GLB1L2: variants seen among roughly 807,000 people sequenced by gnomAD.
GLB1L2 encodes galactosidase beta 1 like 2, also known as beta-galactosidase-1-like protein 2.
In GLB1L2, 68 loss-of-function variants were observed where a neutral mutation model predicts 84.1. That is an observed-to-expected ratio of 0.81 (90% confidence interval 0.67 to 0.99). The LOEUF is 0.99. Ranked by LOEUF, GLB1L2 falls within the 50% of genes least tolerant of loss-of-function variation. The pLI, the probability that GLB1L2 is intolerant of heterozygous loss-of-function variation, is 0.00. For synonymous variants in GLB1L2, 290 were observed against 318.0 expected (o/e 0.91, Z 0.94); for missense variants, 762 against 805.6 (o/e 0.95, Z 0.66).
At chr11:134,371,255 C>T (rs1943948511) in intron 13 of GLB1L2, 107 bp downstream of exon 13, 2 of 1,411,108 alleles carry the variant, frequency 1.4e-6, no homozygotes, top group South Asian at 2.4e-5. Context: ...GTGACAATGG[C>T]CCTTCTGAGT....
Position 134,342,788 on chromosome 11 carries a change from C to T in GLB1L2, c.121C>T (p.Arg41Cys), listed in dbSNP as rs201088624. The T allele has an allele frequency of 2.5e-5, 41 of 1,613,862 alleles. No individual in the cohort carries two copies. Among genetic ancestry groups the T allele is most frequent in the East Asian group, 8.9e-5 (4 of 44,884 alleles). ...DWSTLVPLRL[R>C]HRQLGLQAKG... ...GAGCACCCTGGTCCCTCTGCGGCTC[C>T]GCCATCGACAGCTGGGGCTGCAGGC... Residue 41 changes from arginine to cysteine, a missense_variant, in exon 2 of 19, where the codon CGC (arginine) becomes TGC (cysteine). This residue lies in a region of GLB1L2 where 100 missense variants were observed against 88.8 expected (regional missense o/e 1.13). Coordinates refer to ENST00000535456, the MANE Select transcript of GLB1L2 (RefSeq NM_001370461.1).
chr11:134,354,967 T>A (rs1364867722), intron 5 of GLB1L2, among the ~76,000 whole-genome samples: 1 of 152,088 alleles, frequency 6.6e-6, no homozygotes, highest in Non-Finnish European at 1.5e-5. Context: ...AAGAAACCCA[T>A]AATTCATATA....
intron 5 of GLB1L2, among the ~76,000 whole-genome samples, chr11:134,355,599 G>A (rs569646054): frequency 6.6e-6 from 1 of 152,230 alleles, no homozygotes; most frequent in East Asian, 1.9e-4. Context: ...CTCCCTGGTC[G>A]CTTTCAAGGG....
At chr11:134,341,231 A>T (rs1943456769) in intron 1 of GLB1L2, among the ~76,000 whole-genome samples, 1 of 152,208 alleles carries the variant, frequency 6.6e-6, no homozygotes, top group Non-Finnish European at 1.5e-5. Context: ...AATTGATTTC[A>T]GATAGAGATA....
At chr11:134,332,861 C>T (rs1420054200) in intron 1 of GLB1L2, among the ~76,000 whole-genome samples, 3 of 152,194 alleles carry the variant, frequency 2.0e-5, no homozygotes, top group East Asian at 1.9e-4. Flanking sequence ...CCTAGCCCAG[C>T]ATTTTTCTAA....
chr11:134,335,225 G>T (rs1591607848), intron 1 of GLB1L2, among the ~76,000 whole-genome samples: 1 of 91,116 alleles, frequency 1.1e-5, no homozygotes, highest in Non-Finnish European at 2.3e-5. Context: ...AGCAATGCAG[G>T]TCACTTTTTT....
chr11:134,374,117 C>T, intron 16 of GLB1L2, 28 bp from the exon 17 acceptor site: 1 of 1,512,178 alleles, frequency 6.6e-7, no homozygotes, highest in Non-Finnish European at 9.2e-7. Context: ...GGGCCTCCTC[C>T]CTCTCCTTCT....
chr11:134,370,494 G>A lies in GLB1L2; in HGVS notation c.1215+95G>A. 2.1e-6 allele frequency: 2 copies of A among 958,738 alleles called. No homozygotes were observed. Among genetic ancestry groups the A allele is most frequent in the Non-Finnish European group, 3.3e-6 (2 of 607,826 alleles). The allele number at this position is 958,738 out of a possible 1,614,324, so 59.4% of individuals were successfully genotyped here. A position where few individuals can be genotyped will look rare whatever the true frequency, so the allele number is the denominator to read the frequency against. On this transcript the variant is annotated intron_variant, in intron 12 of 18. Coordinates refer to ENST00000535456, the MANE Select transcript of GLB1L2 (RefSeq NM_001370461.1). The surrounding 1 kb of genome is among the most constrained non-coding windows in gnomAD (Gnocchi z 4.7). ...CTGGGGGCAGTCGTCGGCGGGAGGT[G>A]AGAGTCGTCGGGGCAGCAGGGCCTG...
At chr11:134,368,115 T>G (rs557068538) in intron 9 of GLB1L2, among the ~76,000 whole-genome samples, 1 of 152,378 alleles carries the variant, frequency 6.6e-6, no homozygotes, top group South Asian at 2.1e-4. Context: ...AAATAACTTT[T>G]AATATTTGTC....
At position 134,370,915 on chromosome 11, in the gene GLB1L2, C is replaced by T. The variant is rs1384321435; in HGVS notation, c.1216-93C>T. Reference sequence around the variant, plus strand: ...AAGTAGAAAACACCCACCAAACCTCCGCTTCCACCCCATGTGCCAGCCCCC... The same window carrying T: ...AAGTAGAAAACACCCACCAAACCTCTGCTTCCACCCCATGTGCCAGCCCCC... On this transcript the variant is annotated intron_variant, in intron 12 of 18. Transcript: ENST00000535456. This position sits in a 1 kb window ranked among gnomAD's most constrained non-coding sequence, Gnocchi z 4.7. 1.3e-5 allele frequency: 18 copies of T among 1,428,084 alleles called. No individual in the cohort carries two copies. Among genetic ancestry groups the T allele is most frequent in the African/African-American group, 8.6e-5 (6 of 70,140 alleles). The allele number at this position is 1,428,084 out of a possible 1,614,324, so 88.5% of individuals were successfully genotyped here.
At position 134,367,354 on chromosome 11, in the gene GLB1L2, G is replaced by T; in HGVS notation, c.889+13G>T. The T allele has an allele frequency of 6.2e-7, 1 of 1,605,848 alleles. No homozygotes were observed. The highest frequency in any genetic ancestry group is 8.5e-7 in the Non-Finnish European group (1 of 1,173,030). ...TTGGATTCTTCTGGTGAGTGCTTGC[G>T]GTGACTACATCCAGAATGTGTGCTA... On this transcript the variant is annotated intron_variant, in intron 9 of 18. Transcript: ENST00000535456.
At chr11:134,366,970 T>C (rs775146453) in intron 8 of GLB1L2, 2 of 430,504 alleles carry the variant, frequency 4.6e-6, no homozygotes, top group Non-Finnish European at 8.6e-6. Flanking sequence ...TGGACCAGTG[T>C]CTTCTTGCTA....
Position 134,332,111 on chromosome 11 carries a change from T to A in GLB1L2, c.50T>A (p.Leu17Gln). The change falls in exon 1 of 19, where the codon CTG becomes CAG. Residue 17 changes from leucine to glutamine, a missense_variant. Leu to Gln is a moderately radical substitution (Grantham distance 113). Coordinates refer to ENST00000535456, the MANE Select transcript of GLB1L2 (RefSeq NM_001370461.1). ...RRRPARTLGL[L>Q]LLVVLGFLVL... ...AGGCCGGCCCGCACGCTGGGACTCC[T>A]GCTGCTGGTCGTCTTGGGCTTCCTG... The A allele has an allele frequency of 9.4e-6, 15 of 1,590,938 alleles. No individual in the cohort carries two copies. Among genetic ancestry groups the A allele is most frequent in the Non-Finnish European group, 1.3e-5 (15 of 1,170,550 alleles).
chr11:134,363,318 G>A (rs1050554703), intron 7 of GLB1L2, among the ~76,000 whole-genome samples: 8 of 152,368 alleles, frequency 5.3e-5, no homozygotes, highest in Admixed American at 2.6e-4. Context: ...CCCAGCTGTC[G>A]CTTGCGTTCC....
chr11:134,367,596 C>T (rs1213219613), intron 9 of GLB1L2, among the ~76,000 whole-genome samples: 2 of 151,866 alleles, frequency 1.3e-5, no homozygotes, highest in Non-Finnish European at 2.9e-5. Flanking sequence ...CCAGAAAATA[C>T]AGAAAAAGTA....
chr11:134,348,638 G>A (rs1591614628), intron 5 of GLB1L2, among the ~76,000 whole-genome samples: 3 of 152,216 alleles, frequency 2.0e-5, no homozygotes, highest in East Asian at 3.9e-4. Flanking sequence ...TAACCATTTT[G>A]AAATGTACAG....
intron 9 of GLB1L2, among the ~76,000 whole-genome samples, chr11:134,368,126 TA>T (rs1351226755): frequency 1.3e-5 from 2 of 152,252 alleles, no homozygotes; most frequent in Admixed American, 1.3e-4. Flanking sequence ...AATATTTGTC[TA>T]CTCAGTACAT....
chr11:134,349,239 A>G (rs1943592896), intron 5 of GLB1L2, among the ~76,000 whole-genome samples: 1 of 152,190 alleles, frequency 6.6e-6, no homozygotes, highest in Non-Finnish European at 1.5e-5. Flanking sequence ...CAGCGCCCTC[A>G]AGGTTCATCT....
At chr11:134,351,314 G>A (rs1042420837) in intron 5 of GLB1L2, among the ~76,000 whole-genome samples, 11 of 150,232 alleles carry the variant, frequency 7.3e-5, no homozygotes, top group East Asian at 1.9e-4. Context: ...TTGTTAATGC[G>A]GTATATTACA....
Sources: allele counts gnomAD v4.1 joint callset (sites outside exome capture counted in the v4.1 genomes callset), GRCh38; gene constraint gnomAD v4.1.1; regional missense constraint gnomAD v4.1.1; non-coding constraint Gnocchi (gnomAD v3.1); transcripts MANE v1.5; gene names NCBI Gene and HGNC (gene_info 2026-07-23, HGNC 2026-07-21).